SMYD3: variants seen among roughly 807,000 people sequenced by gnomAD.
SMYD3 encodes the protein SET and MYND domain containing 3.
Under a neutral mutation model 57.7 loss-of-function variants are expected in SMYD3, and 36 were observed. That is an observed-to-expected ratio of 0.62 (90% CI 0.48 to 0.82). The LOEUF is 0.82. Ranked by LOEUF, SMYD3 falls within the 40% of genes least tolerant of loss-of-function variation. The probability of loss-of-function intolerance (pLI) is 0.00; values close to 1 mark genes in which losing one functional copy is unlikely to be tolerated. For synonymous variants in SMYD3, 211 were observed against 195.0 expected (o/e 1.08, Z -0.68); for missense variants, 515 against 538.8 (o/e 0.96, Z 0.44).
intron 7 of SMYD3, among the ~76,000 whole-genome samples, chr1:245,917,970 C>G (rs909869131): frequency 6.6e-6 from 1 of 152,170 alleles, no homozygotes; most frequent in Non-Finnish European, 1.5e-5. Context: ...CAAAGGCAGC[C>G]ACCCTCTCTG....
At chr1:246,469,679 C>G (rs535446691) in intron 1 of SMYD3, among the ~76,000 whole-genome samples, 37 of 152,184 alleles carry the variant, frequency 2.4e-4, no homozygotes, top group Non-Finnish European at 4.3e-4. Flanking sequence ...GAAGGTAAGG[C>G]TCCTCCTTAG....
chr1:246,287,647 T>TG (rs1198226634), intron 5 of SMYD3, among the ~76,000 whole-genome samples: 3 of 152,068 alleles, frequency 2.0e-5, no homozygotes, highest in South Asian at 2.1e-4. Context: ...TAATTAGATT[T>TG]GGGGGGGTTT....
At chr1:245,878,347 C>G (rs2052602356) in intron 8 of SMYD3, among the ~76,000 whole-genome samples, 1 of 152,044 alleles carries the variant, frequency 6.6e-6, no homozygotes, top group African/African-American at 2.4e-5. Flanking sequence ...AAAGGCAGAC[C>G]CCAACAGATG....
chr1:246,261,163 A>G (rs1175527065), intron 5 of SMYD3, among the ~76,000 whole-genome samples: 1 of 152,002 alleles, frequency 6.6e-6, no homozygotes, highest in Non-Finnish European at 1.5e-5. Context: ...GGTTCACACC[A>G]TTCTCCGGCC....
intron 5 of SMYD3, among the ~76,000 whole-genome samples, chr1:246,122,692 T>G (rs2061441818): frequency 6.6e-6 from 1 of 152,220 alleles, no homozygotes; most frequent in Admixed American, 6.5e-5. Flanking sequence ...CTGGACACTT[T>G]CATTGAACTC....
intron 6 of SMYD3, among the ~76,000 whole-genome samples, chr1:245,929,237 G>T (rs895478999): frequency 3.9e-5 from 6 of 152,204 alleles, no homozygotes; most frequent in African/African-American, 1.2e-4. Context: ...AATGACAATT[G>T]TGAGAAATAA....
intron 1 of SMYD3, chr1:246,426,047 T>G (rs1253029860): frequency 2.0e-5 from 3 of 152,192 alleles, no homozygotes; most frequent in African/African-American, 7.2e-5. Context: ...GGAGAAAGAC[T>G]AGAACAAGGA....
intron 5 of SMYD3, among the ~76,000 whole-genome samples, chr1:245,994,477 C>T (rs999158103): frequency 7.2e-5 from 11 of 152,174 alleles, no homozygotes; most frequent in African/African-American, 2.4e-4. Flanking sequence ...GAGTTACTCT[C>T]TCTAGAGGTC....
rs966797319 is a variant in SMYD3 at position 246,308,626 on chromosome 1, G to A, written c.531+18575C>T. ...AACAGCAATACCATATGATACTTAA[G>A]AGGAAGAATGGTTCACATTTACAAT... is the stretch of plus-strand genomic sequence containing the variant. On this transcript the variant is annotated intron_variant, in intron 5 of 11. Coordinates refer to ENST00000490107, the MANE Select transcript of SMYD3 (RefSeq NM_001167740.2). 3.3e-5 allele frequency among the ~76,000 whole-genome samples: 5 copies of A among 152,126 alleles called. No individual in the cohort carries two copies. In the East Asian group the frequency reaches 5.8e-4, roughly 18 times the overall value.
At chr1:246,201,575 G>A (rs1219252200) in intron 5 of SMYD3, among the ~76,000 whole-genome samples, 3 of 152,146 alleles carry the variant, frequency 2.0e-5, no homozygotes, top group African/African-American at 7.2e-5. Context: ...AAATGAGGAT[G>A]ACAATGTTCA....
intron 5 of SMYD3, among the ~76,000 whole-genome samples, chr1:246,325,407 A>T (rs2065333249): frequency 6.6e-6 from 1 of 152,102 alleles, no homozygotes; most frequent in Non-Finnish European, 1.5e-5. Flanking sequence ...GCCATAGGTT[A>T]TTGGCTGCTT....
At chr1:246,056,668 G>A (rs1319622423) in intron 5 of SMYD3, among the ~76,000 whole-genome samples, 1 of 151,756 alleles carries the variant, frequency 6.6e-6, no homozygotes, top group Admixed American at 6.6e-5. Flanking sequence ...AATGATAAAT[G>A]TTCAAGCTGA....
chr1:246,118,661 C>T (rs1272912172), intron 5 of SMYD3, among the ~76,000 whole-genome samples: 1 of 152,206 alleles, frequency 6.6e-6, no homozygotes, highest in Non-Finnish European at 1.5e-5. Context: ...TCTGATGAGA[C>T]ACCTCCAGGT....
chr1:245,930,406 C>G (rs1282493508), intron 5 of SMYD3: 6 of 333,486 alleles, frequency 1.8e-5, no homozygotes, highest in Non-Finnish European at 2.9e-5. Flanking sequence ...CGAAGTATCC[C>G]GTGACTGAGC....
intron 5 of SMYD3, among the ~76,000 whole-genome samples, chr1:246,258,902 GTTTAT>G (rs1005293284): frequency 2.0e-5 from 3 of 152,056 alleles, no homozygotes; most frequent in African/African-American, 7.2e-5. Flanking sequence ...CTCAAAGACT[GTTTAT>G]TTTATTAAAT....
chr1:246,274,481 C>T (rs2064289938), intron 5 of SMYD3, among the ~76,000 whole-genome samples: 1 of 152,174 alleles, frequency 6.6e-6, no homozygotes, highest in Admixed American at 6.5e-5. Flanking sequence ...TTGCTGAATG[C>T]TGTGGACTCC....
chr1:246,392,486 T>G (rs962334639), intron 1 of SMYD3, among the ~76,000 whole-genome samples: 1 of 152,132 alleles, frequency 6.6e-6, no homozygotes, highest in Non-Finnish European at 1.5e-5. Context: ...ACACAAGATC[T>G]CACTGTCTTG....
chr1:245,904,692 T>A (rs140353122), intron 8 of SMYD3, among the ~76,000 whole-genome samples: 242 of 152,098 alleles, frequency 1.6e-3, no homozygotes, highest in Non-Finnish European at 3.1e-3. Context: ...CGTAGGCAAG[T>A]CCTACAGCTG....
At chr1:245,795,035 T>C (rs1361647882) in intron 10 of SMYD3, among the ~76,000 whole-genome samples, 2 of 152,208 alleles carry the variant, frequency 1.3e-5, no homozygotes, top group Non-Finnish European at 2.9e-5. Context: ...GGCATTTAGG[T>C]GTGCATGTTC....
Sources: gnomAD v4.1 joint callset for allele counts (sites outside exome capture counted in the v4.1 genomes callset) on GRCh38, gnomAD v4.1.1 for gene constraint, MANE v1.5 for transcripts, NCBI Gene and HGNC (gene_info 2026-07-23, HGNC 2026-07-21) for gene names.